Variants in ATRNL1 observed in about 807,000 individuals in gnomAD.
The protein encoded by ATRNL1 is attractin like 1, also known as attractin-like protein 1.
ATRNL1 carries 95 observed loss-of-function variants against 182.7 expected under a neutral mutation model. That is an observed-to-expected ratio of 0.52 (90% CI 0.44 to 0.62). ATRNL1 has a LOEUF of 0.62. ATRNL1 is among the 20% of genes least tolerant of loss of function. The pLI, the probability that ATRNL1 is intolerant of heterozygous loss-of-function variation, is 0.00. For missense variants in ATRNL1, 1,471 were observed against 1,679.5 expected, an observed-to-expected ratio of 0.88 and a Z score of 2.17; for synonymous variants, 576 against 568.3, an observed-to-expected ratio of 1.01 and a Z score of -0.19.
chr10:115,115,794 G>A (rs1391754356), intron 1 of ATRNL1, among the ~76,000 whole-genome samples: 2 of 151,996 alleles, frequency 1.3e-5, no homozygotes, highest in African/African-American at 2.4e-5. Context: ...TTTTTATAAT[G>A]TGTTAAGTTA....
At chr10:115,926,697 A>G (rs143824983) in intron 28 of ATRNL1, among the ~76,000 whole-genome samples, 205 of 152,320 alleles carry the variant, frequency 1.3e-3, no homozygotes, top group Non-Finnish European at 2.2e-3. Flanking sequence ...ACACCTTCCC[A>G]AGACTAAACC....
chr10:115,834,567 T>TTTGGTA (rs1555094807), intron 27 of ATRNL1, among the ~76,000 whole-genome samples: 1 of 152,218 alleles, frequency 6.6e-6, no homozygotes, highest in Non-Finnish European at 1.5e-5. Context: ...ACCATTTTGC[T>TTTGGTA]CTGGTAAGGT....
chr10:115,346,934 TC>T (rs1295279938), intron 19 of ATRNL1, among the ~76,000 whole-genome samples: 1 of 152,170 alleles, frequency 6.6e-6, no homozygotes, highest in Admixed American at 6.5e-5. Context: ...TATCTACAAA[TC>T]CATTGCCATA....
chr10:115,609,851 A>G (rs1047373628), intron 26 of ATRNL1, among the ~76,000 whole-genome samples: 3 of 152,186 alleles, frequency 2.0e-5, no homozygotes, highest in Non-Finnish European at 4.4e-5. Flanking sequence ...CATAAGTGGA[A>G]GGAGGATAGA....
intron 24 of ATRNL1, among the ~76,000 whole-genome samples, chr10:115,512,195 T>C (rs1258888594): frequency 1.3e-5 from 2 of 151,880 alleles, no homozygotes; most frequent in Non-Finnish European, 2.9e-5. Flanking sequence ...CATAATAGAT[T>C]TTACAGTCAT....
intron 27 of ATRNL1, among the ~76,000 whole-genome samples, chr10:115,817,702 C>A (rs1555089003): frequency 1.3e-5 from 2 of 151,644 alleles, no homozygotes; most frequent in African/African-American, 4.8e-5. Context: ...GGAAAAGAAA[C>A]TGTTTCATGC....
chr10:115,835,811 C>G (rs925420619), intron 27 of ATRNL1, among the ~76,000 whole-genome samples: 1 of 152,166 alleles, frequency 6.6e-6, no homozygotes, highest in Non-Finnish European at 1.5e-5. Context: ...TGGCCATGCC[C>G]CCTCGCTGAG....
At chr10:115,835,042 T>G (rs760098191) in intron 27 of ATRNL1, among the ~76,000 whole-genome samples, 2 of 152,180 alleles carry the variant, frequency 1.3e-5, no homozygotes, top group Non-Finnish European at 2.9e-5. Flanking sequence ...AAATAGTACA[T>G]GCTCAATTAA....
chr10:115,604,457 C>G (rs1856771215), intron 26 of ATRNL1, among the ~76,000 whole-genome samples: 1 of 152,166 alleles, frequency 6.6e-6, no homozygotes. Flanking sequence ...CCTTTCTGAG[C>G]TGAGAAACTG....
At chr10:115,812,505 T>C (rs1555087265) in intron 27 of ATRNL1, among the ~76,000 whole-genome samples, 1 of 152,172 alleles carries the variant, frequency 6.6e-6, no homozygotes, top group African/African-American at 2.4e-5. Flanking sequence ...AGACGGAGTT[T>C]TGTTCTTGTT....
At chr10:115,923,590 G>A (rs957869824) in intron 28 of ATRNL1, among the ~76,000 whole-genome samples, 5 of 151,858 alleles carry the variant, frequency 3.3e-5, no homozygotes, top group East Asian at 3.9e-4. Flanking sequence ...ACATGATCTC[G>A]TTTTTATGGC....
At chr10:115,614,723 TATTTACA>T (rs1857345756) in intron 26 of ATRNL1, among the ~76,000 whole-genome samples, 1 of 152,140 alleles carries the variant, frequency 6.6e-6, no homozygotes, top group African/African-American at 2.4e-5. Context: ...TGTGTGTGCA[TATTTACA>T]ATTGTATTTT....
intron 19 of ATRNL1, among the ~76,000 whole-genome samples, chr10:115,384,296 A>G (rs554046567): frequency 2.0e-5 from 3 of 152,124 alleles, no homozygotes; most frequent in African/African-American, 7.2e-5. Flanking sequence ...CAAATTCTCT[A>G]TATCCAAGAA....
chr10:115,318,778 T>C (rs1854435067), intron 18 of ATRNL1, among the ~76,000 whole-genome samples: 1 of 152,118 alleles, frequency 6.6e-6, no homozygotes, highest in Admixed American at 6.6e-5. Context: ...ATGATTCTTC[T>C]TTATTTTCTT....
At chr10:115,355,356 A>C (rs782131157) in intron 19 of ATRNL1, among the ~76,000 whole-genome samples, 1 of 152,106 alleles carries the variant, frequency 6.6e-6, no homozygotes, top group Admixed American at 6.6e-5. Flanking sequence ...TTGTTTTAGC[A>C]CTAGAGGGAG....
At chr10:115,456,130 A>G (rs1224951266) in intron 21 of ATRNL1, among the ~76,000 whole-genome samples, 2 of 152,354 alleles carry the variant, frequency 1.3e-5, no homozygotes, top group East Asian at 1.9e-4. Flanking sequence ...CAATCCCATT[A>G]CTGGGTATAT....
intron 24 of ATRNL1, among the ~76,000 whole-genome samples, chr10:115,481,280 T>G (rs1189363016): frequency 6.6e-6 from 1 of 150,516 alleles, no homozygotes; most frequent in East Asian, 1.9e-4. Context: ...TACTGGAAAT[T>G]TGGAGTTATT....
rs1592734733 is a variant in ATRNL1, at chr10:115,492,683, G to A, written c.3654+23354G>A. Among the ~76,000 whole-genome samples the A allele has an allele frequency of 4.6e-5, 5 of 108,594 alleles. No homozygotes were observed. The South Asian group carries it at 1.4e-3, about 31-fold the overall frequency. 71.2% of individuals were successfully genotyped at this position (108,594 alleles called of 152,430 possible). A position where few individuals can be genotyped will look rare whatever the true frequency, so the allele number is the denominator to read the frequency against. ...TTTTGAGATGGGGTCTCACTCTGTT[G>A]CCTAGGCTGGAGTGTAGTGGCACAA... On this transcript the variant is annotated intron_variant, in intron 24 of 28. Transcript: ENST00000355044.
intron 26 of ATRNL1, among the ~76,000 whole-genome samples, chr10:115,595,594 C>T (rs1437019097): frequency 6.6e-6 from 1 of 152,006 alleles, no homozygotes; most frequent in Non-Finnish European, 1.5e-5. Flanking sequence ...TATTACACTC[C>T]CACTTACTTG....
Sources: gnomAD v4.1 joint callset for allele counts (sites outside exome capture counted in the v4.1 genomes callset) on GRCh38, gnomAD v4.1.1 for gene constraint, MANE v1.5 for transcripts, NCBI Gene and HGNC (gene_info 2026-07-23, HGNC 2026-07-21) for gene names.